MAOB: variants seen among roughly 807,000 people sequenced by gnomAD.
MAOB encodes the protein amine oxidase [flavin-containing] B.
In MAOB, 15 loss-of-function variants were observed where a neutral mutation model predicts 41.9. That is an observed-to-expected ratio of 0.36 (90% CI 0.24 to 0.55). The LOEUF is 0.55. Among genes scored for constraint, MAOB ranks in the 20% least tolerant of loss-of-function variants. MAOB has a pLI of 0.86. For synonymous variants in MAOB, 167 were observed against 144.2 expected, an observed-to-expected ratio of 1.16 and a Z score of -1.13; for missense variants, 345 against 398.7, an observed-to-expected ratio of 0.87 and a Z score of 1.15.
chrX:43,841,918 C>A (rs1372482769), intron 2 of MAOB, among the ~76,000 whole-genome samples: 1 of 111,583 alleles, frequency 9.0e-6, no homozygotes, highest in Non-Finnish European at 1.9e-5. Flanking sequence ...TACAAATAAT[C>A]AACTCTAAAT....
intron 11 of MAOB, among the ~76,000 whole-genome samples, chrX:43,776,986 C>T (rs749459128): frequency 9.0e-6 from 1 of 111,236 alleles, no homozygotes; most frequent in East Asian, 2.8e-4. Flanking sequence ...ATATGTGCCA[C>T]ATTTTCTTAA....
chrX:43,801,506 T>C (rs1271798515), intron 5 of MAOB, among the ~76,000 whole-genome samples: 1 of 111,836 alleles, frequency 8.9e-6, no homozygotes, highest in Non-Finnish European at 1.9e-5. Context: ...TACCACGTGC[T>C]TGAATGGGAA....
chrX:43,768,573 A>G (rs2034140692), intron 14 of MAOB, 81 bp downstream of exon 14: 1 of 778,980 alleles, frequency 1.3e-6, no homozygotes, highest in Non-Finnish European at 1.9e-6. Context: ...AAGGTATGTG[A>G]ATATATACAA....
chrX:43,814,705 G>C (rs958215345), intron 3 of MAOB, among the ~76,000 whole-genome samples: 29 of 111,983 alleles, frequency 2.6e-4, no homozygotes, highest in African/African-American at 9.1e-4. Flanking sequence ...GGGATGGTTG[G>C]ATGGATGAAT....
In MAOB at chrX:43,795,785, G is replaced by A. The variant is rs1225926474; in HGVS notation, c.722C>T (p.Thr241Ile). The A allele has an allele frequency of 1.7e-6, 2 of 1,210,023 alleles. No homozygotes were observed. Among genetic ancestry groups the A allele is most frequent in the Admixed American group, 2.2e-5 (1 of 45,987 alleles). The stretch of plus-strand genomic sequence containing the variant: ...GGTCTCCACAAGGACATTTTCTCTT[G>A]TCTGGTCAATGTAGATCACAGGCCT... ...LERPVIYIDQ[T>I]RENVLVETLN... The change falls in exon 7 of 15, where the codon ACA (threonine) becomes ATA (isoleucine). Residue 241 changes from threonine (T) to isoleucine (I), a missense_variant. Physicochemically the swap from Thr to Ile is moderately conservative, Grantham distance 89. Transcript: ENST00000378069.
chrX:43,843,791 G>A, intron 1 of MAOB, 27 bp from the exon 2 acceptor site: 2 of 1,204,869 alleles, frequency 1.7e-6, no homozygotes, highest in South Asian at 1.8e-5. Flanking sequence ...TAAGACATCA[G>A]GATCAAATAC....
chrX:43,801,779 C>T (rs1165341114), intron 5 of MAOB, among the ~76,000 whole-genome samples: 1 of 113,188 alleles, frequency 8.8e-6, no homozygotes, highest in Non-Finnish European at 1.9e-5. Context: ...CTACTTCACA[C>T]AAGGTGTGGC....
chrX:43,846,914 C>A lies in MAOB; in HGVS notation c.47-3150G>T, dbSNP rs376006359. On this transcript the variant is annotated intron_variant, in intron 1 of 14. Transcript: ENST00000378069. ...TGGGAAGTATGAAAATTTTTGAGTG[C>A]AATACTATTGCAAAAAAAAATCATA... is the stretch of plus-strand genomic sequence containing the variant. Among the ~76,000 whole-genome samples, 10 of 111,481 alleles carry A rather than the reference C, an allele frequency of 9.0e-5. No individual in the cohort carries two copies. The East Asian group carries it at 2.8e-3, about 31-fold the overall frequency.
At chrX:43,795,574 A>G (rs2034517475) in intron 7 of MAOB, among the ~76,000 whole-genome samples, 165 bp downstream of exon 7, 1 of 111,391 alleles carries the variant, frequency 9.0e-6, no homozygotes, top group Non-Finnish European at 1.9e-5. Flanking sequence ...TAGTCTTTCC[A>G]TGGTCTTTCC....
chrX:43,797,827 C>A (rs749062900), intron 5 of MAOB, among the ~76,000 whole-genome samples: 11 of 111,921 alleles, frequency 9.8e-5, no homozygotes, highest in African/African-American at 3.6e-4. Context: ...TTCCCTCCCT[C>A]CCTACCATGA....
At chrX:43,876,577 G>A (rs1236651631) in intron 1 of MAOB, among the ~76,000 whole-genome samples, 1 of 112,107 alleles carries the variant, frequency 8.9e-6, no homozygotes. Context: ...TGGGATTTGA[G>A]CCCAAGTCCC....
rs1473981072 is a variant in MAOB at position 43,783,796 on chromosome X, A to G, written c.929-2252T>C. On this transcript the variant is annotated intron_variant, in intron 8 of 14. Coordinates refer to ENST00000378069, the MANE Select transcript of MAOB (RefSeq NM_000898.5). ...ACATCAATTGACTCCTTTTTTTATG[A>G]AAAATTTCTCTGAAGGCTGCGATGC... 3.6e-5 allele frequency among the ~76,000 whole-genome samples: 4 copies of G among 111,852 alleles called. No individual in the cohort carries two copies. In the East Asian group the frequency reaches 1.1e-3, roughly 32 times the overall value.
At chrX:43,818,791 A>G (rs1002507397) in intron 3 of MAOB, among the ~76,000 whole-genome samples, 1 of 111,934 alleles carries the variant, frequency 8.9e-6, no homozygotes, top group East Asian at 2.8e-4. Flanking sequence ...AATACACTGA[A>G]GAAGCGGAAA....
At position 43,767,431 on chromosome X, in the gene MAOB, T is replaced by G; in HGVS notation, c.*35A>C. On this transcript the variant is annotated 3_prime_UTR_variant, in exon 15 of 15. Coordinates refer to ENST00000378069, the MANE Select transcript of MAOB (RefSeq NM_000898.5). Reference sequence around the variant, plus strand: ...CCCCAAACTCATATCCCAAATACAGTAAGAAGAGAGTGTGATTACAGACAC... The same window carrying G: ...CCCCAAACTCATATCCCAAATACAGGAAGAAGAGAGTGTGATTACAGACAC... 1 of 1,179,885 alleles carries G rather than the reference T, an allele frequency of 8.5e-7. No homozygotes were observed. The highest frequency in any genetic ancestry group is 2.2e-5 in the Admixed American group (1 of 44,619).
At position 43,786,756 on chromosome X, in the gene MAOB, C is replaced by T. The variant is rs150633446; in HGVS notation, c.929-5212G>A. The stretch of plus-strand genomic sequence containing the variant: ...TGCCAGGCTGGCCAAGGTGGAAGTA[C>T]TGCTTTCTCGATGTAGGGGCTCCTT... On this transcript the variant is annotated intron_variant, in intron 8 of 14. Coordinates refer to ENST00000378069, the MANE Select transcript of MAOB (RefSeq NM_000898.5). Among the ~76,000 whole-genome samples the T allele has an allele frequency of 3.1e-3, 344 of 111,554 alleles. 1 individual carries two copies. Among genetic ancestry groups the T allele is most frequent in the African/African-American group, 0.011 (329 of 30,745 alleles).
At chrX:43,798,406 A>C (rs1439423674) in intron 5 of MAOB, among the ~76,000 whole-genome samples, 1 of 112,562 alleles carries the variant, frequency 8.9e-6, no homozygotes, top group Non-Finnish European at 1.9e-5. Context: ...CCAAACACAA[A>C]ATTAGTCACA....
At chrX:43,775,086 A>G in intron 12 of MAOB, 89 bp downstream of exon 12, 3 of 949,389 alleles carry the variant, frequency 3.2e-6, no homozygotes, top group Non-Finnish European at 3.9e-6. Flanking sequence ...ATTTATAAGA[A>G]ACAAGGGAGA....
intron 8 of MAOB, 114 bp downstream of exon 8, chrX:43,793,305 T>C (rs1212477463): frequency 1.9e-6 from 1 of 534,667 alleles, no homozygotes; most frequent in African/African-American, 2.4e-5. Flanking sequence ...GTAACAAATC[T>C]GCACATGTAC....
intron 3 of MAOB, among the ~76,000 whole-genome samples, chrX:43,815,254 A>G (rs372562748): frequency 1.8e-4 from 20 of 112,227 alleles, no homozygotes; most frequent in African/African-American, 5.2e-4. Context: ...TTGTAAACAC[A>G]TAAGTGTTTA....
Sources: gnomAD v4.1 joint callset for allele counts (sites outside exome capture counted in the v4.1 genomes callset) on GRCh38, gnomAD v4.1.1 for gene constraint, MANE v1.5 for transcripts, NCBI Gene and HGNC (gene_info 2026-07-23, HGNC 2026-07-21) for gene names.